The following FRMD3 variants were observed in gnomAD, a reference collection of about 807,000 sequenced individuals.
FRMD3 encodes FERM domain-containing protein 3.
FRMD3 carries 33 observed loss-of-function variants against 70.2 expected under a neutral mutation model. The ratio of observed to expected loss-of-function variants is 0.47; its 90% CI spans 0.36 to 0.63. The LOEUF is 0.63. Among genes scored for constraint, FRMD3 ranks in the 20% least tolerant of loss-of-function variants. FRMD3 has a pLI of 0.00. For synonymous variants in FRMD3, 279 were observed against 255.9 expected (o/e 1.09, Z -0.86); for missense variants, 632 against 711.4 (o/e 0.89, Z 1.27).
intron 13 of FRMD3, among the ~76,000 whole-genome samples, chr9:83,254,998 T>C (rs1832632479): frequency 6.6e-6 from 1 of 152,086 alleles, no homozygotes; most frequent in African/African-American, 2.4e-5. Context: ...TCCTAAAAGA[T>C]GAAAAGGAAG....
intron 1 of FRMD3, among the ~76,000 whole-genome samples, chr9:83,442,399 A>T (rs1827327048): frequency 6.6e-6 from 1 of 151,790 alleles, no homozygotes; most frequent in Admixed American, 6.6e-5. Flanking sequence ...CTGGGACTAC[A>T]GGTGTACACC....
chr9:83,259,729 G>A (rs891243646), intron 13 of FRMD3, among the ~76,000 whole-genome samples: 2 of 152,116 alleles, frequency 1.3e-5, no homozygotes, highest in African/African-American at 2.4e-5. Flanking sequence ...TCAAGCACAT[G>A]TGAAACTGTC....
the FRMD3 span, among the ~76,000 whole-genome samples, chr9:83,544,535 A>G: frequency 6.6e-6 from 1 of 152,202 alleles, no homozygotes; most frequent in Admixed American, 6.5e-5. Context: ...AAGATCAAGT[A>G]TATACCCATC....
rs781153603 is a variant in FRMD3, at chr9:83,465,039, AGAAG to A, written c.147+73042_147+73045del. ...TGTCTCAAAAAGAAAAAAAAAAAAA[AGAAG>A]AAGAAGCAGCAGCTTAATGAGATGT... On this transcript the variant is annotated intron_variant, in intron 1 of 13. Transcript: ENST00000304195. Among the ~76,000 whole-genome samples, 7 of 17,992 alleles carry A rather than the reference AGAAG, an allele frequency of 3.9e-4. 1 individual carries two copies. The South Asian group carries it at 6.6e-3, about 17-fold the overall frequency. The allele number at this position is 17,992 out of a possible 152,430, so 11.8% of individuals were successfully genotyped here. A position where few individuals can be genotyped will look rare whatever the true frequency, so the allele number is the denominator to read the frequency against.
chr9:83,298,836 A>G lies in FRMD3; in HGVS notation c.1002-20T>C, dbSNP rs370135582. The G allele has an allele frequency of 8.1e-6, 13 of 1,608,762 alleles. No homozygotes were observed. The African/African-American group carries it at 1.3e-4, about 17-fold the overall frequency. On this transcript the variant is annotated intron_variant, in intron 11 of 13. Coordinates refer to ENST00000304195, the MANE Select transcript of FRMD3 (RefSeq NM_174938.6). ...TTCCCACTGCAAAAGACAGAAACAC[A>G]TGTGTATGCACACATAGTCAGAGAA...
At chr9:83,347,877 G>A (rs1824013360) in intron 4 of FRMD3, among the ~76,000 whole-genome samples, 1 of 152,262 alleles carries the variant, frequency 6.6e-6, no homozygotes, top group African/African-American at 2.4e-5. Context: ...ATTTCTACTT[G>A]TATAAGGGCA....
chr9:83,258,458 T>C (rs1422149303), intron 13 of FRMD3, among the ~76,000 whole-genome samples: 1 of 152,220 alleles, frequency 6.6e-6, no homozygotes, highest in Non-Finnish European at 1.5e-5. Flanking sequence ...CCTTGTCTAG[T>C]TTGCCTGTGG....
At chr9:83,326,065 T>C (rs1204618198) in intron 6 of FRMD3, among the ~76,000 whole-genome samples, 1 of 152,210 alleles carries the variant, frequency 6.6e-6, no homozygotes, top group African/African-American at 2.4e-5. Context: ...AAAAAATGGT[T>C]TTCTGAACCC....
chr9:83,371,623 A>C (rs1046159345), intron 3 of FRMD3, among the ~76,000 whole-genome samples: 1 of 152,084 alleles, frequency 6.6e-6, no homozygotes, highest in African/African-American at 2.4e-5. Flanking sequence ...TATTATTTCT[A>C]TCTGGATGCA....
rs1832049339 is a variant in FRMD3, at chr9:83,245,483, C to A, written c.*2435G>T. The A allele has an allele frequency of 3.0e-6, 3 of 984,368 alleles. No individual in the cohort carries two copies. Among genetic ancestry groups the A allele is most frequent in the Non-Finnish European group, 3.6e-6 (3 of 829,004 alleles). 61.0% of individuals were successfully genotyped at this position (984,368 alleles called of 1,614,324 possible). A position where few individuals can be genotyped will look rare whatever the true frequency, so the allele number is the denominator to read the frequency against. ...TCAACTTCTTCACTTAAAAACATTT[C>A]TATTCAACAATGAAGTTTCCACCTA... On this transcript the variant is annotated 3_prime_UTR_variant, in exon 14 of 14. Transcript: ENST00000304195.
chr9:83,357,240 TACA>T (rs1824396949), intron 3 of FRMD3, among the ~76,000 whole-genome samples: 4 of 7,572 alleles, frequency 5.3e-4, no homozygotes, highest in African/African-American at 1.6e-3. Flanking sequence ...ATATATATAA[TACA>T]TACATATATA....
At chr9:83,464,917 G>C (rs768830988) in intron 1 of FRMD3, among the ~76,000 whole-genome samples, 1 of 143,502 alleles carries the variant, frequency 7.0e-6, no homozygotes, top group Non-Finnish European at 1.6e-5. Flanking sequence ...CGACTCGGGA[G>C]GCTGAGGCAG....
At chr9:83,465,031 A>G (rs1326559747) in intron 1 of FRMD3, among the ~76,000 whole-genome samples, 1 of 78,538 alleles carries the variant, frequency 1.3e-5, no homozygotes, top group Non-Finnish European at 2.7e-5. Context: ...AAAAGAAAAA[A>G]AAAAAAAAGA....
chr9:83,566,050 C>A, the FRMD3 span, among the ~76,000 whole-genome samples: 2 of 152,144 alleles, frequency 1.3e-5, no homozygotes, highest in East Asian at 3.9e-4. Context: ...CATTATTATG[C>A]GGAGTGTATT....
chr9:83,495,251 G>T (rs569936639), intron 1 of FRMD3, among the ~76,000 whole-genome samples: 1 of 152,186 alleles, frequency 6.6e-6, no homozygotes, highest in Non-Finnish European at 1.5e-5. Context: ...CTGGAAGCAA[G>T]AAGAGGACAA....
chr9:83,466,290 A>G (rs539843383), intron 1 of FRMD3, among the ~76,000 whole-genome samples: 1 of 152,302 alleles, frequency 6.6e-6, no homozygotes, highest in Non-Finnish European at 1.5e-5. Flanking sequence ...CTTCTTCAAG[A>G]ATTTGCATTT....
chr9:83,343,940 G>T (rs1823864806), intron 4 of FRMD3, among the ~76,000 whole-genome samples: 1 of 152,214 alleles, frequency 6.6e-6, no homozygotes, highest in South Asian at 2.1e-4. Context: ...CTGGAAGCAG[G>T]ATGGGACACA....
intron 13 of FRMD3, among the ~76,000 whole-genome samples, chr9:83,269,424 G>A (rs935555001): frequency 3.9e-5 from 6 of 152,128 alleles, no homozygotes; most frequent in African/African-American, 1.4e-4. Context: ...TGTTTCAAAT[G>A]CCTCCTTCCT....
intron 13 of FRMD3, among the ~76,000 whole-genome samples, chr9:83,257,589 C>T (rs562146923): frequency 3.9e-5 from 6 of 152,102 alleles, no homozygotes; most frequent in Non-Finnish European, 8.8e-5. Flanking sequence ...ATTAAAATGT[C>T]TTCTTTTTAT....
Sources: gnomAD v4.1 joint callset for allele counts (sites outside exome capture counted in the v4.1 genomes callset) on GRCh38, gnomAD v4.1.1 for gene constraint, MANE v1.5 for transcripts, NCBI Gene and HGNC (gene_info 2026-07-23, HGNC 2026-07-21) for gene names.